IL1RAPL1: variants seen among roughly 807,000 people sequenced by gnomAD.
IL1RAPL1 encodes interleukin 1 receptor accessory protein like 1.
In IL1RAPL1, 3 loss-of-function variants were observed where a neutral mutation model predicts 48.4. The ratio of observed to expected loss-of-function variants is 0.06; its 90% CI spans 0.03 to 0.16. The LOEUF is 0.16. IL1RAPL1 is among the 10% of genes least tolerant of loss of function. IL1RAPL1 has a pLI of 1.00. For synonymous variants in IL1RAPL1, 185 were observed against 187.7 expected (o/e 0.99, Z 0.12); for missense variants, 349 against 530.6 (o/e 0.66, Z 3.36).
At position 29,685,943 on chromosome X, in the gene IL1RAPL1, C is replaced by T. The variant is rs764852160; in HGVS notation, c.778+17439C>T. 8.2e-5 allele frequency among the ~76,000 whole-genome samples: 9 copies of T among 109,513 alleles called. No homozygotes were observed. In the South Asian group the frequency reaches 3.6e-3, roughly 44 times the overall value. ...GAGGTTGCAGTGAGCCAAGATCATG[C>T]CATTGCACCCCAGCCTGGGCAATAG... On this transcript the variant is annotated intron_variant, in intron 6 of 10. Transcript: ENST00000378993.
intron 1 of IL1RAPL1, among the ~76,000 whole-genome samples, chrX:28,718,706 A>C (rs1235733108): frequency 2.7e-5 from 3 of 112,114 alleles, no homozygotes; most frequent in Non-Finnish European, 5.7e-5. Context: ...AAATATTACA[A>C]ATGTAACATC....
intron 2 of IL1RAPL1, among the ~76,000 whole-genome samples, chrX:28,907,010 C>T (rs1387466917): frequency 1.8e-5 from 2 of 111,128 alleles, no homozygotes; most frequent in African/African-American, 6.5e-5. Flanking sequence ...CTTGATGATA[C>T]TCTGAGGAAA....
chrX:29,412,881 C>G (rs1934162439), intron 5 of IL1RAPL1, among the ~76,000 whole-genome samples: 1 of 112,293 alleles, frequency 8.9e-6, no homozygotes, highest in Non-Finnish European at 1.9e-5. Context: ...AGCGCAGATG[C>G]ATCAAACCGG....
chrX:29,333,996 C>T (rs1364166911), intron 3 of IL1RAPL1, among the ~76,000 whole-genome samples: 34 of 82,121 alleles, frequency 4.1e-4, no homozygotes, highest in Non-Finnish European at 6.6e-4. Flanking sequence ...ACCTCCCTCC[C>T]GGACGGGGCG....
At chrX:29,230,513 A>AAAAAAAAAAAAC (rs1931174500) in intron 2 of IL1RAPL1, among the ~76,000 whole-genome samples, 1 of 91,332 alleles carries the variant, frequency 1.1e-5, no homozygotes, top group Non-Finnish European at 2.2e-5. Flanking sequence ...CCAAAAAAAA[A>AAAAAAAAAAAAC]AAAAAAAAAA....
chrX:29,619,394 T>C (rs1202227275), intron 5 of IL1RAPL1, among the ~76,000 whole-genome samples: 3 of 112,114 alleles, frequency 2.7e-5, no homozygotes, highest in Admixed American at 9.5e-5. Context: ...TGATAATTTA[T>C]CTTCATTTAA....
At chrX:29,087,052 T>C (rs1927967366) in intron 2 of IL1RAPL1, among the ~76,000 whole-genome samples, 1 of 111,264 alleles carries the variant, frequency 9.0e-6, no homozygotes, top group African/African-American at 3.3e-5. Context: ...GTGCTCTGTC[T>C]CCAGAAATCT....
At chrX:29,766,327 C>CAAAAAA (rs1220003136) in intron 6 of IL1RAPL1, among the ~76,000 whole-genome samples, 2 of 25,615 alleles carry the variant, frequency 7.8e-5, no homozygotes, top group African/African-American at 4.2e-4. Context: ...GACTCCGTCT[C>CAAAAAA]AAAAAAAAAA....
intron 5 of IL1RAPL1, among the ~76,000 whole-genome samples, chrX:29,408,830 A>T (rs894190618): frequency 5.3e-5 from 6 of 112,160 alleles, no homozygotes; most frequent in Non-Finnish European, 9.4e-5. Flanking sequence ...ATTTAGAAAT[A>T]AAATTTAATT....
intron 2 of IL1RAPL1, among the ~76,000 whole-genome samples, chrX:29,041,884 G>A (rs982671196): frequency 9.0e-6 from 1 of 111,488 alleles, no homozygotes; most frequent in Admixed American, 9.6e-5. Context: ...CCTCCTTATC[G>A]AAAATCAATG....
At chrX:29,666,051 C>A (rs1379819612) in intron 5 of IL1RAPL1, among the ~76,000 whole-genome samples, 1 of 110,435 alleles carries the variant, frequency 9.1e-6, no homozygotes, top group Non-Finnish European at 1.9e-5. Context: ...TACCTCAGAT[C>A]CTTGATCTCT....
chrX:28,972,591 T>C (rs1381847835), intron 2 of IL1RAPL1, among the ~76,000 whole-genome samples: 3 of 109,281 alleles, frequency 2.7e-5, no homozygotes, highest in Non-Finnish European at 5.7e-5. Context: ...ACAAAAAAAT[T>C]AGCCGGGCGT....
intron 3 of IL1RAPL1, among the ~76,000 whole-genome samples, chrX:29,294,037 TAAA>T (rs1215115516): frequency 1.1e-5 from 1 of 89,538 alleles, no homozygotes. Context: ...GGTCCTAAAG[TAAA>T]AAAAAAAAAA....
intron 2 of IL1RAPL1, among the ~76,000 whole-genome samples, chrX:28,816,934 A>G (rs1936877716): frequency 9.0e-6 from 1 of 110,551 alleles, no homozygotes; most frequent in Non-Finnish European, 1.9e-5. Context: ...AATAATAGCC[A>G]TTCTGACTGG....
rs146237471 is a variant in IL1RAPL1 at position 29,568,624 on chromosome X, T to C, written c.704-99806T>C. Among the ~76,000 whole-genome samples the C allele has an allele frequency of 5.4e-3, 603 of 111,328 alleles. 3 individuals are homozygous for C. The highest frequency in any genetic ancestry group is 0.019 in the African/African-American group (578 of 30,776). ...TTATACATGGAGATCAAATGAATTCTCAAGTGGGCCTATTTATTTTGAATC... is the reference window on the plus strand; with the variant it reads ...TTATACATGGAGATCAAATGAATTCCCAAGTGGGCCTATTTATTTTGAATC... On this transcript the variant is annotated intron_variant, in intron 5 of 10. Transcript: ENST00000378993.
chrX:28,947,591 A>G (rs1002103385), intron 2 of IL1RAPL1, among the ~76,000 whole-genome samples: 1 of 110,997 alleles, frequency 9.0e-6, no homozygotes, highest in Non-Finnish European at 1.9e-5. Context: ...ATTAGGAGAA[A>G]TACCTAATGT....
chrX:28,611,397 G>C (rs754102030), intron 1 of IL1RAPL1, among the ~76,000 whole-genome samples: 1 of 111,527 alleles, frequency 9.0e-6, no homozygotes, highest in Non-Finnish European at 1.9e-5. Context: ...ATAATCTCTT[G>C]CCCGAGGGAG....
intron 1 of IL1RAPL1, among the ~76,000 whole-genome samples, chrX:28,683,760 C>G (rs921738905): frequency 2.7e-5 from 3 of 112,404 alleles, no homozygotes; most frequent in African/African-American, 9.7e-5. Flanking sequence ...TATTTTCTTT[C>G]CTTTTCTAGC....
At chrX:29,625,996 A>G (rs1924605379) in intron 5 of IL1RAPL1, among the ~76,000 whole-genome samples, 1 of 112,076 alleles carries the variant, frequency 8.9e-6, no homozygotes, top group African/African-American at 3.2e-5. Flanking sequence ...CCCGTCTTAA[A>G]TTTATTATAG....
Sources: allele counts gnomAD v4.1 joint callset (sites outside exome capture counted in the v4.1 genomes callset), GRCh38; gene constraint gnomAD v4.1.1; transcripts MANE v1.5; gene names NCBI Gene and HGNC (gene_info 2026-07-23, HGNC 2026-07-21).